Variants in ROBO2 observed in about 807,000 individuals in gnomAD.
The protein encoded by ROBO2 is roundabout homolog 2.
Under a neutral mutation model 160.8 loss-of-function variants are expected in ROBO2, and 53 were observed. That is an observed-to-expected ratio of 0.33 (90% CI 0.26 to 0.41). The LOEUF is 0.41. Among genes scored for constraint, ROBO2 ranks in the 10% least tolerant of loss-of-function variants. ROBO2 has a pLI of 1.00. For missense variants in ROBO2, 1,577 were observed against 1,722.4 expected, an observed-to-expected ratio of 0.92 and a Z score of 1.49; for synonymous variants, 664 against 611.7, an observed-to-expected ratio of 1.09 and a Z score of -1.26.
chr3:77,051,281 T>C (rs1375133508), intron 1 of ROBO2, among the ~76,000 whole-genome samples: 1 of 152,194 alleles, frequency 6.6e-6, no homozygotes, highest in Non-Finnish European at 1.5e-5. Context: ...TCAGAAAATA[T>C]GTACAACATG....
At chr3:77,324,787 GAA>G (rs34331921) in intron 2 of ROBO2, among the ~76,000 whole-genome samples, 52 of 96,716 alleles carry the variant, frequency 5.4e-4, no homozygotes, top group African/African-American at 1.0e-3. Context: ...GTCTCAAAAA[GAA>G]AAAAAAAAAA....
At chr3:76,332,110 T>C (rs1026037652) in intron 2 of ROBO2, among the ~76,000 whole-genome samples, 4 of 152,216 alleles carry the variant, frequency 2.6e-5, no homozygotes, top group African/African-American at 9.7e-5. Context: ...ATTGTATATT[T>C]TGAATACATT....
chr3:76,539,873 A>G (rs2082721820), intron 2 of ROBO2, among the ~76,000 whole-genome samples: 1 of 152,236 alleles, frequency 6.6e-6, no homozygotes, highest in Non-Finnish European at 1.5e-5. Context: ...CATTTGGTCT[A>G]AGACATTCAT....
intron 2 of ROBO2, among the ~76,000 whole-genome samples, chr3:77,350,285 G>C (rs573892642): frequency 6.6e-6 from 1 of 151,936 alleles, no homozygotes; most frequent in Non-Finnish European, 1.5e-5. Context: ...GAGCCCAGGA[G>C]GTTGAGGCTG....
intron 13 of ROBO2, among the ~76,000 whole-genome samples, chr3:77,573,679 A>G (rs917849344): frequency 5.9e-5 from 9 of 152,020 alleles, no homozygotes; most frequent in Admixed American, 5.9e-4. Flanking sequence ...GACTTTATAC[A>G]TGATGTCCTC....
chr3:77,647,972 T>A (rs1381354600), exon 26 of ROBO2: 2 of 152,160 alleles, frequency 1.3e-5, no homozygotes, highest in Non-Finnish European at 2.9e-5. Context: ...ATGTTCTTCA[T>A]GGGCCCCACC....
chr3:76,233,941 A>G (rs1490555048), intron 2 of ROBO2, among the ~76,000 whole-genome samples: 1 of 152,178 alleles, frequency 6.6e-6, no homozygotes, highest in East Asian at 1.9e-4. Flanking sequence ...ATAGTGCCCA[A>G]TAAGTAGGTT....
intron 2 of ROBO2, among the ~76,000 whole-genome samples, chr3:77,379,829 A>G (rs1322217939): frequency 6.6e-6 from 1 of 151,942 alleles, no homozygotes; most frequent in Non-Finnish European, 1.5e-5. Context: ...GCTCCCACTC[A>G]TCTTCTAAAT....
chr3:77,131,493 A>G (rs1236425257), intron 2 of ROBO2, among the ~76,000 whole-genome samples: 1 of 152,164 alleles, frequency 6.6e-6, no homozygotes, highest in East Asian at 1.9e-4. Flanking sequence ...AAAGAATGCT[A>G]AGCAAAAACA....
intron 2 of ROBO2, among the ~76,000 whole-genome samples, chr3:75,985,054 A>G (rs1432392051): frequency 2.6e-5 from 4 of 151,446 alleles, no homozygotes; most frequent in Non-Finnish European, 5.9e-5. Context: ...TGTCATTTTT[A>G]TTTAGATTTA....
intron 2 of ROBO2, among the ~76,000 whole-genome samples, chr3:76,050,912 A>T (rs1487929742): frequency 1.3e-5 from 2 of 152,218 alleles, no homozygotes; most frequent in Non-Finnish European, 2.9e-5. Context: ...ATTAAAGACA[A>T]CTATTCCTGC....
intron 2 of ROBO2, among the ~76,000 whole-genome samples, chr3:76,405,592 G>A (rs768767018): frequency 3.3e-5 from 5 of 151,666 alleles, no homozygotes; most frequent in Non-Finnish European, 7.4e-5. Context: ...CTTAAAAACA[G>A]CAGGTAGTCC....
intron 2 of ROBO2, among the ~76,000 whole-genome samples, chr3:76,271,421 A>T (rs1465049273): frequency 6.6e-6 from 1 of 151,376 alleles, no homozygotes; most frequent in African/African-American, 2.4e-5. Context: ...AGAACCAGGG[A>T]AAGTATGTGA....
At chr3:76,710,773 A>G (rs1394565976) in intron 2 of ROBO2, among the ~76,000 whole-genome samples, 9 of 152,226 alleles carry the variant, frequency 5.9e-5, no homozygotes, top group African/African-American at 2.2e-4. Context: ...GACTTAGGGG[A>G]GCTTAGAGAA....
intron 2 of ROBO2, among the ~76,000 whole-genome samples, chr3:77,403,137 C>T (rs952287828): frequency 6.6e-6 from 1 of 152,156 alleles, no homozygotes; most frequent in African/African-American, 2.4e-5. Flanking sequence ...TGGTGTACCA[C>T]ATGTTTTAAA....
At chr3:77,180,416 C>CTATATATATATATA (rs71104657) in intron 2 of ROBO2, among the ~76,000 whole-genome samples, 5 of 90,702 alleles carry the variant, frequency 5.5e-5, no homozygotes, top group Non-Finnish European at 6.8e-5. Context: ...CTCTCTCTCT[C>CTATATATATATATA]TATATATATA....
intron 2 of ROBO2, among the ~76,000 whole-genome samples, chr3:76,507,119 C>T (rs530083850): frequency 4.4e-4 from 67 of 151,782 alleles, no homozygotes; most frequent in African/African-American, 1.4e-3. Context: ...CATAAATTAA[C>T]GAAATAGTTA....
At position 77,334,699 on chromosome 3, in the gene ROBO2, A is replaced by C. The variant is rs561767020; in HGVS notation, c.389-142715A>C. 1.5e-4 allele frequency among the ~76,000 whole-genome samples: 23 copies of C among 151,896 alleles called. No homozygotes were observed. The South Asian group carries it at 4.8e-3, about 32-fold the overall frequency. On this transcript the variant is annotated intron_variant, in intron 2 of 25. Transcript: ENST00000461745. ...GTAGTGACAGATACTTTCAAGACTG[A>C]CAGAAAAAAGAAAACACAAGCTCTT...
chr3:76,890,199 T>C (rs1387021546), intron 2 of ROBO2, among the ~76,000 whole-genome samples: 2 of 150,152 alleles, frequency 1.3e-5, no homozygotes, highest in Non-Finnish European at 1.5e-5. Flanking sequence ...GTGCCAGGCG[T>C]TGAACTAAGA....
Sources: allele counts gnomAD v4.1 joint callset (sites outside exome capture counted in the v4.1 genomes callset), GRCh38; gene constraint gnomAD v4.1.1; transcripts MANE v1.5; gene names NCBI Gene and HGNC (gene_info 2026-07-23, HGNC 2026-07-21).